NBAS: variants seen among roughly 807,000 people sequenced by gnomAD.
NBAS encodes the protein NBAS subunit of NRZ tethering complex, also known as NAG/BC035112 fusion.
A neutral mutation model predicts 302.5 loss-of-function variants in NBAS; 219 were observed. That is an observed-to-expected ratio of 0.72 (90% CI 0.65 to 0.81). The LOEUF (loss-of-function observed/expected upper bound fraction) is 0.81. Ranked by LOEUF, NBAS falls within the 30% of genes least tolerant of loss-of-function variation. NBAS has a pLI of 0.00. For synonymous variants in NBAS, 1,118 were observed against 1,021.6 expected (o/e 1.09, Z -1.80); for missense variants, 2,932 against 2,841.6 (o/e 1.03, Z -0.72).
the NBAS span, among the ~76,000 whole-genome samples, chr2:14,944,018 T>C: frequency 6.6e-6 from 1 of 151,884 alleles, no homozygotes; most frequent in African/African-American, 2.4e-5. Context: ...TACTAATCCC[T>C]GCCAGGTGCG....
chr2:15,326,733 T>C (rs1672086083), intron 38 of NBAS, among the ~76,000 whole-genome samples: 3 of 152,118 alleles, frequency 2.0e-5, no homozygotes, highest in South Asian at 2.1e-4. Context: ...ATACATGCCC[T>C]GATTAGAGAA....
At chr2:15,274,818 G>A (rs1033228913) in intron 44 of NBAS, among the ~76,000 whole-genome samples, 1 of 152,036 alleles carries the variant, frequency 6.6e-6, no homozygotes, top group Admixed American at 6.6e-5. Context: ...AGGCTGGAGT[G>A]CAGTGGCATG....
intron 38 of NBAS, among the ~76,000 whole-genome samples, chr2:15,313,383 A>G (rs941202338): frequency 3.9e-5 from 6 of 152,260 alleles, no homozygotes; most frequent in Non-Finnish European, 8.8e-5. Context: ...GCAAGAAGAT[A>G]GTATTATCTT....
chr2:15,359,500 T>C (rs1416809842), intron 32 of NBAS, among the ~76,000 whole-genome samples: 3 of 152,158 alleles, frequency 2.0e-5, no homozygotes, highest in South Asian at 2.1e-4. Context: ...TCTAAAAATA[T>C]ACAAGAAAAA....
chr2:15,315,850 T>C (rs1157274476), intron 38 of NBAS, among the ~76,000 whole-genome samples: 2 of 152,116 alleles, frequency 1.3e-5, no homozygotes, highest in East Asian at 3.9e-4. Flanking sequence ...ATGGGAACAG[T>C]GGAGAACATG....
chr2:15,042,121 G>A, the NBAS span, among the ~76,000 whole-genome samples: 1 of 152,182 alleles, frequency 6.6e-6, no homozygotes, highest in Admixed American at 6.5e-5. Flanking sequence ...ATGTAAAAAC[G>A]GAGTCCAAAT....
the NBAS span, among the ~76,000 whole-genome samples, chr2:14,907,982 C>G: frequency 6.6e-6 from 1 of 152,322 alleles, no homozygotes; most frequent in South Asian, 2.1e-4. Context: ...ATCAGCATCA[C>G]CAGCATCACC....
chr2:15,181,398 A>G (rs1572406280), intron 50 of NBAS, among the ~76,000 whole-genome samples: 2 of 152,184 alleles, frequency 1.3e-5, no homozygotes, highest in East Asian at 1.9e-4. Flanking sequence ...TTCATCTCTT[A>G]GCTACCAGTG....
chr2:15,177,128 T>C (rs1664579900), intron 51 of NBAS, among the ~76,000 whole-genome samples: 1 of 152,198 alleles, frequency 6.6e-6, no homozygotes, highest in Non-Finnish European at 1.5e-5. Flanking sequence ...ACCTGTGGCT[T>C]TGATTCTTGG....
In NBAS at chr2:15,558,579, C is replaced by A. The variant is rs968957955; in HGVS notation, c.172+1G>T. 6.2e-7 allele frequency: 1 copy of A among 1,611,830 alleles called. No homozygotes were observed. Among genetic ancestry groups the A allele is most frequent in the Non-Finnish European group, 8.5e-7 (1 of 1,178,734 alleles). On this transcript the variant is annotated splice_donor_variant, in intron 2 of 51. Transcript: ENST00000281513. LOFTEE classifies it high-confidence loss of function. Reference sequence around the variant, plus strand: ...ACTGTAGAGAAATAAGCTATATTTACCTCGAATTGCTTTCGTGATGATAAA... The same window carrying A: ...ACTGTAGAGAAATAAGCTATATTTAACTCGAATTGCTTTCGTGATGATAAA...
intron 38 of NBAS, among the ~76,000 whole-genome samples, chr2:15,320,417 G>C (rs1438038387): frequency 6.6e-6 from 1 of 152,172 alleles, no homozygotes; most frequent in Non-Finnish European, 1.5e-5. Flanking sequence ...GCAGGAGAAG[G>C]AAATAAAGGG....
intron 5 of NBAS, among the ~76,000 whole-genome samples, chr2:15,552,793 A>ATT (rs140817288): frequency 1.5e-5 from 2 of 129,420 alleles, no homozygotes; most frequent in South Asian, 2.4e-4. Context: ...AAGCATACCT[A>ATT]TTTTTTTTTT....
intron 39 of NBAS, 30 bp from the exon 40 acceptor site, chr2:15,308,383 G>A: frequency 6.2e-7 from 1 of 1,611,348 alleles, no homozygotes. Flanking sequence ...AATTAACTCA[G>A]CTGAAAGGAA....
intron 44 of NBAS, among the ~76,000 whole-genome samples, chr2:15,258,879 C>T (rs1188675019): frequency 6.6e-6 from 1 of 152,144 alleles, no homozygotes; most frequent in Non-Finnish European, 1.5e-5. Flanking sequence ...CAACCCGTCC[C>T]CTTTTGAAGT....
chr2:15,113,666 T>A, the NBAS span, among the ~76,000 whole-genome samples: 11 of 152,274 alleles, frequency 7.2e-5, no homozygotes, highest in Non-Finnish European at 1.5e-4. Flanking sequence ...TTTACCCTGA[T>A]ATCCTTCTCT....
intron 45 of NBAS, among the ~76,000 whole-genome samples, chr2:15,236,544 A>C (rs1667602395): frequency 6.7e-6 from 1 of 149,772 alleles, no homozygotes; most frequent in South Asian, 2.1e-4. Flanking sequence ...AAAAAAAAAA[A>C]AAAAAAAAAA....
intron 24 of NBAS, among the ~76,000 whole-genome samples, chr2:15,416,698 C>G (rs373666176): frequency 6.6e-6 from 1 of 150,602 alleles, no homozygotes; most frequent in East Asian, 2.0e-4. Context: ...CCCAGCTACT[C>G]GGGAGGCTGA....
At chr2:15,015,905 A>C in the NBAS span, among the ~76,000 whole-genome samples, 4 of 152,180 alleles carry the variant, frequency 2.6e-5, no homozygotes, top group African/African-American at 9.7e-5. Context: ...AAAAACTTTT[A>C]GAATTGATAA....
intron 21 of NBAS, among the ~76,000 whole-genome samples, chr2:15,457,848 A>G (rs1679320003): frequency 6.6e-6 from 1 of 152,234 alleles, no homozygotes; most frequent in African/African-American, 2.4e-5. Context: ...TTTAGGGTAA[A>G]GCTTCAATTA....
Sources: gnomAD v4.1 joint callset for allele counts (sites outside exome capture counted in the v4.1 genomes callset) on GRCh38, gnomAD v4.1.1 for gene constraint, MANE v1.5 for transcripts, NCBI Gene and HGNC (gene_info 2026-07-23, HGNC 2026-07-21) for gene names.